The following ZBTB20 variants were observed in gnomAD, a reference collection of about 807,000 sequenced individuals.
ZBTB20 encodes the protein zinc finger and BTB domain containing 20, also known as zinc finger and BTB domain-containing protein 20.
Under a neutral mutation model 56.9 loss-of-function variants are expected in ZBTB20, and 9 were observed. The ratio of observed to expected loss-of-function variants is 0.16; its 90% CI spans 0.10 to 0.28. ZBTB20 has a LOEUF of 0.28. ZBTB20 is among the 10% of genes least tolerant of loss of function. The pLI, the probability that ZBTB20 is intolerant of heterozygous loss-of-function variation, is 1.00. For synonymous variants in ZBTB20, 417 were observed against 420.7 expected (o/e 0.99, Z 0.11); for missense variants, 655 against 1,003.0 (o/e 0.65, Z 4.69).
intron 2 of ZBTB20, among the ~76,000 whole-genome samples, chr3:115,019,571 A>G (rs1474528790): frequency 1.3e-5 from 2 of 151,336 alleles, no homozygotes; most frequent in African/African-American, 4.8e-5. Flanking sequence ...ACATCTAAGT[A>G]CTTTATTCGT....
At chr3:114,986,649 A>G (rs771642775) in intron 2 of ZBTB20, among the ~76,000 whole-genome samples, 26 of 152,152 alleles carry the variant, frequency 1.7e-4, no homozygotes, top group African/African-American at 3.1e-4. Context: ...CAATTGGAAT[A>G]TACCTTTATC....
At chr3:115,017,824 CTAAT>C (rs1241420487) in intron 2 of ZBTB20, among the ~76,000 whole-genome samples, 6 of 151,508 alleles carry the variant, frequency 4.0e-5, no homozygotes, top group South Asian at 2.1e-4. Context: ...ATCTTACAGT[CTAAT>C]TGAGGTAGAA....
intron 5 of ZBTB20, among the ~76,000 whole-genome samples, chr3:114,776,764 T>G (rs13059431): frequency 6.6e-6 from 1 of 152,142 alleles, no homozygotes; most frequent in Non-Finnish European, 1.5e-5. Flanking sequence ...TGCCAAGGCT[T>G]GAAGACAAAA....
intron 1 of ZBTB20, among the ~76,000 whole-genome samples, chr3:115,142,609 G>C (rs907469232): frequency 1.3e-5 from 2 of 150,168 alleles, no homozygotes; most frequent in Middle Eastern, 3.2e-3. Context: ...GCTGCAGCGG[G>C]CCAAGATTGT....
At chr3:114,456,922 G>T (rs2092055014) in intron 7 of ZBTB20, among the ~76,000 whole-genome samples, 1 of 152,246 alleles carries the variant, frequency 6.6e-6, no homozygotes, top group Non-Finnish European at 1.5e-5. Context: ...GCACGTGGGA[G>T]CCCACTCAAA....
intron 2 of ZBTB20, among the ~76,000 whole-genome samples, chr3:114,995,122 G>C (rs979359217): frequency 1.6e-4 from 24 of 151,872 alleles, no homozygotes; most frequent in African/African-American, 5.6e-4. Context: ...AATATGAACT[G>C]AAAGCATATG....
chr3:114,923,739 C>T (rs2076047035), intron 3 of ZBTB20, among the ~76,000 whole-genome samples: 1 of 151,996 alleles, frequency 6.6e-6, no homozygotes, highest in Admixed American at 6.6e-5. Context: ...AAACTAAAAA[C>T]CTTTTTCACA....
chr3:114,866,999 T>C (rs1189411754), intron 4 of ZBTB20, among the ~76,000 whole-genome samples: 1 of 152,178 alleles, frequency 6.6e-6, no homozygotes, highest in Non-Finnish European at 1.5e-5. Flanking sequence ...ACATAGTACA[T>C]AGTTTCTGAC....
chr3:114,345,009 A>G (rs1166454931), intron 11 of ZBTB20, among the ~76,000 whole-genome samples: 2 of 152,202 alleles, frequency 1.3e-5, no homozygotes, highest in Non-Finnish European at 2.9e-5. Context: ...GTGAACACAG[A>G]TATGTGTACA....
intron 6 of ZBTB20, among the ~76,000 whole-genome samples, chr3:114,517,738 G>C (rs2046173907): frequency 6.6e-6 from 1 of 151,924 alleles, no homozygotes; most frequent in Admixed American, 6.6e-5. Flanking sequence ...ACCATGCCCG[G>C]CTAATTTTTG....
chr3:114,424,853 A>G (rs1035336642), intron 7 of ZBTB20, among the ~76,000 whole-genome samples: 12 of 152,202 alleles, frequency 7.9e-5, no homozygotes, highest in Non-Finnish European at 1.6e-4. Flanking sequence ...TTCTGAAGAA[A>G]GCTGGTCAAG....
chr3:114,766,779 G>A (rs990945863), intron 5 of ZBTB20, among the ~76,000 whole-genome samples: 1 of 152,006 alleles, frequency 6.6e-6, no homozygotes, highest in Non-Finnish European at 1.5e-5. Flanking sequence ...TGACAGCCAA[G>A]TCAATCCAAC....
chr3:114,907,241 G>A (rs1208490458), intron 3 of ZBTB20, among the ~76,000 whole-genome samples: 1 of 151,694 alleles, frequency 6.6e-6, no homozygotes, highest in Non-Finnish European at 1.5e-5. Flanking sequence ...TTTGCATTTT[G>A]TGCTCATCAG....
chr3:115,075,137 C>CT (rs2082549953), intron 1 of ZBTB20, among the ~76,000 whole-genome samples: 1 of 152,088 alleles, frequency 6.6e-6, no homozygotes, highest in African/African-American at 2.4e-5. Context: ...AAAATGAGAT[C>CT]TACCCTCTTA....
At chr3:114,980,950 T>A (rs562706739) in intron 2 of ZBTB20, among the ~76,000 whole-genome samples, 1 of 152,090 alleles carries the variant, frequency 6.6e-6, no homozygotes, top group African/African-American at 2.4e-5. Flanking sequence ...ATATAAGATG[T>A]TCTACTAGAT....
intron 7 of ZBTB20, among the ~76,000 whole-genome samples, chr3:114,394,934 T>G (rs2086203319): frequency 6.6e-6 from 1 of 152,192 alleles, no homozygotes; most frequent in African/African-American, 2.4e-5. Context: ...AATGATAATG[T>G]CTCTAACATG....
At chr3:114,951,683 T>C (rs951287271) in intron 3 of ZBTB20, among the ~76,000 whole-genome samples, 1 of 152,066 alleles carries the variant, frequency 6.6e-6, no homozygotes, top group African/African-American at 2.4e-5. Flanking sequence ...ACATTCTCCA[T>C]AGAATTTCAA....
At chr3:114,363,775 C>T (rs2082116254) in intron 10 of ZBTB20, among the ~76,000 whole-genome samples, 1 of 152,216 alleles carries the variant, frequency 6.6e-6, no homozygotes, top group African/African-American at 2.4e-5. Context: ...AGAGCTCACA[C>T]AGCCAACAAA....
chr3:114,598,504 A>G (rs2056506404), intron 6 of ZBTB20, among the ~76,000 whole-genome samples: 1 of 152,022 alleles, frequency 6.6e-6, no homozygotes, highest in South Asian at 2.1e-4. Context: ...ATATATACAC[A>G]TATTTATGAT....
Sources: allele counts gnomAD v4.1 joint callset (sites outside exome capture counted in the v4.1 genomes callset), GRCh38; gene constraint gnomAD v4.1.1; transcripts MANE v1.5; gene names NCBI Gene and HGNC (gene_info 2026-07-23, HGNC 2026-07-21).